The following IL33 variants were observed in gnomAD, a reference collection of about 807,000 sequenced individuals.
The protein encoded by IL33 is interleukin-33.
IL33 carries 37 observed loss-of-function variants against 27.3 expected under a neutral mutation model. The observed-to-expected ratio is 1.36, with a 90% confidence interval of 1.04 to 1.78. IL33 has a LOEUF of 1.78. Ranked by LOEUF, IL33 falls within the 40% of genes most tolerant of loss-of-function variation. The pLI, the probability that IL33 is intolerant of heterozygous loss-of-function variation, is 0.00. For synonymous variants in IL33, 132 were observed against 102.9 expected (o/e 1.28, Z -1.71); for missense variants, 406 against 311.4 (o/e 1.30, Z -2.29).
chr9:6,252,077 ACAAAACAAAAC>A lies in IL33; in HGVS notation c.344-788_344-778del, dbSNP rs771915185. On this transcript the variant is annotated intron_variant, in intron 4 of 7. Transcript: ENST00000682010. ...CAAACAAAAAAAAACCCAACAAAAAACAAAACAAAACAAAAAAACCAACTTTACCTGGAAAT... is the reference window on the plus strand; with the variant it reads ...CAAACAAAAAAAAACCCAACAAAAAAAAAAAAACCAACTTTACCTGGAAAT... Among the ~76,000 whole-genome samples, 819 of 135,550 alleles carry A rather than the reference ACAAAACAAAAC, an allele frequency of 6.0e-3. 41 individuals carry two copies. Among genetic ancestry groups the A allele is most frequent in the Non-Finnish European group, 8.5e-3 (548 of 64,708 alleles). 88.9% of individuals were successfully genotyped at this position (135,550 alleles called of 152,430 possible). A position where few individuals can be genotyped will look rare whatever the true frequency, so the allele number is the denominator to read the frequency against.
rs1816789866 is a variant in IL33, at chr9:6,257,242, C to A, written c.*1074C>A. ...GCAAAGTTGCTTCTAATCCTTATTTCCCATGTGCACAAGTCTTTTTGTATT... is the reference window on the plus strand; with the variant it reads ...GCAAAGTTGCTTCTAATCCTTATTTACCATGTGCACAAGTCTTTTTGTATT... On this transcript the variant is annotated 3_prime_UTR_variant, in exon 8 of 8. Transcript: ENST00000682010. 6.6e-6 allele frequency: 1 copy of A among 152,134 alleles called. No individual in the cohort carries two copies. Among genetic ancestry groups the A allele is most frequent in the Non-Finnish European group, 1.5e-5 (1 of 68,012 alleles). The allele number at this position is 152,134 out of a possible 1,614,324, so 9.4% of individuals were successfully genotyped here. A position where few individuals can be genotyped will look rare whatever the true frequency, so the allele number is the denominator to read the frequency against.
intron 2 of IL33, 92 bp downstream of exon 2, chr9:6,241,877 C>A: frequency 1.2e-6 from 1 of 803,988 alleles, no homozygotes; most frequent in Non-Finnish European, 2.0e-6. Context: ...GCTATCTTAT[C>A]AAAATCTACT....
chr9:6,230,809 T>C (rs917355651), intron 1 of IL33, among the ~76,000 whole-genome samples: 2 of 152,202 alleles, frequency 1.3e-5, no homozygotes, highest in African/African-American at 4.8e-5. Flanking sequence ...TATAAGGTCC[T>C]GGGATTCAAT....
chr9:6,225,274 T>G (rs1453608962), intron 1 of IL33, among the ~76,000 whole-genome samples: 1 of 152,204 alleles, frequency 6.6e-6, no homozygotes, highest in Admixed American at 6.5e-5. Flanking sequence ...ACATGAAACA[T>G]AAGGAATCAC....
At chr9:6,232,703 C>A (rs12351913) in intron 1 of IL33, among the ~76,000 whole-genome samples, 1 of 151,976 alleles carries the variant, frequency 6.6e-6, no homozygotes, top group African/African-American at 2.4e-5. Flanking sequence ...TTAAACTAAT[C>A]TCTTTCCTTT....
chr9:6,237,555 G>A (rs945079949), intron 1 of IL33, among the ~76,000 whole-genome samples: 2 of 152,078 alleles, frequency 1.3e-5, no homozygotes, highest in African/African-American at 4.8e-5. Flanking sequence ...CCATGAGGGT[G>A]ATAAGACGGG....
At position 6,237,855 on chromosome 9, in the gene IL33, GCAGTTTTTATGTTAGTA is replaced by G. The variant is rs372261545; in HGVS notation, c.-11-3828_-11-3812del. 5.2e-4 allele frequency among the ~76,000 whole-genome samples: 79 copies of G among 152,282 alleles called. 1 individual carries two copies. Among genetic ancestry groups the G allele is most frequent in the African/African-American group, 1.8e-3 (76 of 41,554 alleles). ...AGAAAACAAACAACGTCAAGGCAAT[GCAGTTTTTATGTTAGTA>G]AAGTGTTACTTCATTATCTACTGTG... On this transcript the variant is annotated intron_variant, in intron 1 of 7. Transcript: ENST00000682010.
intron 1 of IL33, among the ~76,000 whole-genome samples, chr9:6,217,955 C>G (rs1032301630): frequency 6.8e-6 from 1 of 146,884 alleles, no homozygotes; most frequent in South Asian, 2.1e-4. Context: ...TATACTGTTT[C>G]CAACAGTCTT....
At chr9:6,230,915 C>G (rs576233960) in intron 1 of IL33, among the ~76,000 whole-genome samples, 2 of 152,148 alleles carry the variant, frequency 1.3e-5, no homozygotes, top group East Asian at 3.9e-4. Context: ...ACCTATGTGA[C>G]GTTTTGCAAG....
intron 1 of IL33, among the ~76,000 whole-genome samples, chr9:6,229,986 G>A (rs1211298603): frequency 1.3e-5 from 2 of 152,168 alleles, no homozygotes; most frequent in Non-Finnish European, 2.9e-5. Context: ...AATAGTTTGA[G>A]CAAAGCCATG....
rs144262530 is a variant in IL33 at position 6,230,259 on chromosome 9, G to A, written c.-11-11425G>A. 1.7e-4 allele frequency among the ~76,000 whole-genome samples: 26 copies of A among 152,180 alleles called. No homozygotes were observed. The East Asian group carries it at 4.8e-3, about 28-fold the overall frequency. ...TCACACTATCCCTCCCTCTTCTCAC[G>A]AGGGCTTTGGCTTGAGTCATAGATT... On this transcript the variant is annotated intron_variant, in intron 1 of 7. Coordinates refer to ENST00000682010, the MANE Select transcript of IL33 (RefSeq NM_033439.4).
rs1262163972 is a variant in IL33 at position 6,257,383 on chromosome 9, T to C, written c.*1215T>C. ...TTTTGCACCTGCTGAACTTCATTTC[T>C]GTATCACCTGACCTCTGGATGCCAA... On this transcript the variant is annotated 3_prime_UTR_variant, in exon 8 of 8. Coordinates refer to ENST00000682010, the MANE Select transcript of IL33 (RefSeq NM_033439.4). 6.6e-6 allele frequency: 1 copy of C among 152,626 alleles called. No homozygotes were observed. Among genetic ancestry groups the C allele is most frequent in the East Asian group, 1.9e-4 (1 of 5,208 alleles). 9.5% of individuals were successfully genotyped at this position (152,626 alleles called of 1,614,324 possible).
rs1281775581 is a variant in IL33, at chr9:6,256,113, A to T, written c.758A>T (p.Asp253Val). The change falls in exon 8 of 8, where the codon GAC (aspartate) becomes GTC (valine). Residue 253 changes from aspartate (D) to valine (V), a missense_variant. Transcript: ENST00000682010. ...KDNHLALIKV[D>V]SSENLCTENI... ...AATCATCTTGCTCTGATTAAAGTAG[A>T]CTCTTCTGAGAATTTGTGTACTGAA... The T allele has an allele frequency of 1.5e-5, 24 of 1,613,222 alleles. No homozygotes were observed. In the Admixed American group the frequency reaches 4.0e-4, roughly 27 times the overall value.
At chr9:6,248,741 C>CT (rs946083623) in intron 2 of IL33, among the ~76,000 whole-genome samples, 114 of 146,724 alleles carry the variant, frequency 7.8e-4, no homozygotes, top group Middle Eastern at 3.6e-3. Context: ...TGCCCAGCTA[C>CT]TTTTTTTTTT....
At chr9:6,242,495 T>G (rs1194542105) in intron 2 of IL33, 1 of 152,224 alleles carries the variant, frequency 6.6e-6, no homozygotes, top group Admixed American at 6.5e-5. Flanking sequence ...AAAATGAGAT[T>G]CACCAAATGA....
In IL33 at chr9:6,256,062, C is replaced by A. The variant is rs1299453044; in HGVS notation, c.707C>A (p.Pro236His). The change falls in exon 8 of 8, where the codon CCT becomes CAT. Residue 236 changes from proline (P) to histidine (H), a missense_variant. By Grantham distance (77) the Pro-to-His change is moderately conservative (BLOSUM62 -2). Coordinates refer to ENST00000682010, the MANE Select transcript of IL33 (RefSeq NM_033439.4). Reference protein sequence around the residue: ...NCVSFECKTDPGVFIGVKDNH... With the variant: ...NCVSFECKTDHGVFIGVKDNH... ...GTTTCATTTGAATGCAAGACTGATC[C>A]TGGAGTGTTTATAGGTGTAAAGGAT... 6.2e-7 allele frequency: 1 copy of A among 1,612,996 alleles called. No individual in the cohort carries two copies. Among genetic ancestry groups the A allele is most frequent in the African/African-American group, 1.3e-5 (1 of 74,870 alleles).
chr9:6,239,174 G>C (rs1387907295), intron 1 of IL33, among the ~76,000 whole-genome samples: 1 of 152,184 alleles, frequency 6.6e-6, no homozygotes, highest in Admixed American at 6.5e-5. Context: ...GCACAAAAGA[G>C]TGCCTTCTGT....
chr9:6,234,140 T>C (rs752145827), intron 1 of IL33, among the ~76,000 whole-genome samples: 3 of 152,238 alleles, frequency 2.0e-5, no homozygotes, highest in Non-Finnish European at 4.4e-5. Context: ...AGTTTCATCT[T>C]CTTACAGCTT....
Position 6,238,569 on chromosome 9 carries a change from C to T in IL33, c.-11-3115C>T, listed in dbSNP as rs545483448. On this transcript the variant is annotated intron_variant, in intron 1 of 7. Transcript: ENST00000682010. ...GTTTGTCCAGGGACAAAATAGGGTG[C>T]CTAAAGTTTACCTTCTAACGAGTCC... is the stretch of plus-strand genomic sequence containing the variant. 2.0e-5 allele frequency among the ~76,000 whole-genome samples: 3 copies of T among 152,134 alleles called. No individual in the cohort carries two copies. The South Asian group carries it at 6.2e-4, about 32-fold the overall frequency.
Sources: allele counts gnomAD v4.1 joint callset (sites outside exome capture counted in the v4.1 genomes callset), GRCh38; gene constraint gnomAD v4.1.1; transcripts MANE v1.5; gene names NCBI Gene and HGNC (gene_info 2026-07-23, HGNC 2026-07-21).